RYR2: variants seen among roughly 807,000 people sequenced by gnomAD.
RYR2 encodes the protein ryanodine receptor 2, also known as cardiac muscle ryanodine receptor-calcium release channel.
RYR2 carries 227 observed loss-of-function variants against 601.1 expected under a neutral mutation model. The observed-to-expected ratio is 0.38, with a 90% CI of 0.34 to 0.42. The LOEUF (loss-of-function observed/expected upper bound fraction) is 0.42, where lower values mean the gene tolerates loss of function less well. Ranked by LOEUF, RYR2 falls within the 10% of genes least tolerant of loss-of-function variation. The pLI is 1.00. For missense variants in RYR2, 4,646 were observed against 6,156.5 expected (o/e 0.75, Z 8.21); for synonymous variants, 2,223 against 2,175.1 (o/e 1.02, Z -0.61).
chr1:237,802,456 G>A (rs1487574054), intron 98 of RYR2: 2 of 152,096 alleles, frequency 1.3e-5, no homozygotes, highest in Admixed American at 6.6e-5. Context: ...GACTTTTATA[G>A]TTCACGTTAG....
At chr1:237,322,901 G>A (rs571999471) in intron 2 of RYR2, among the ~76,000 whole-genome samples, 1 of 150,922 alleles carries the variant, frequency 6.6e-6, no homozygotes, top group African/African-American at 2.4e-5. Flanking sequence ...GAGTGAAAAT[G>A]TGCTCCAAAG....
chr1:237,311,459 A>G (rs912062859), intron 2 of RYR2, among the ~76,000 whole-genome samples: 2 of 151,828 alleles, frequency 1.3e-5, no homozygotes, highest in Non-Finnish European at 2.9e-5. Flanking sequence ...ATGATATGAC[A>G]TGCAATGACC....
chr1:237,574,725 CA>C (rs146749155), intron 29 of RYR2, among the ~76,000 whole-genome samples: 2 of 151,842 alleles, frequency 1.3e-5, no homozygotes, highest in Admixed American at 6.6e-5. Flanking sequence ...TCATAGCTGG[CA>C]AAAAAACAAA....
intron 1 of RYR2, among the ~76,000 whole-genome samples, chr1:237,059,159 C>T (rs1377484620): frequency 6.6e-6 from 1 of 152,074 alleles, no homozygotes; most frequent in Non-Finnish European, 1.5e-5. Context: ...TTCCGCATTT[C>T]CCTCTAAATG....
At position 237,792,382 on chromosome 1, in the gene RYR2, C is replaced by CGTGT. The variant is rs1359233766; in HGVS notation, c.13782+71_13782+74dup. On this transcript the variant is annotated intron_variant, in intron 94 of 104. Coordinates refer to ENST00000366574, the MANE Select transcript of RYR2 (RefSeq NM_001035.3). The stretch of plus-strand genomic sequence containing the variant: ...GTGTGTGTGTGTGTGTGTGTGTGTG[C>CGTGT]GTGTGTGTGTGTGTGCGTGTGTGTG... 7.7e-3 allele frequency: 5,159 copies of CGTGT among 666,214 alleles called. 123 individuals are homozygous for CGTGT. The highest frequency in any genetic ancestry group is 0.043 in the African/African-American group (1,803 of 42,082). The allele number at this position is 666,214 out of a possible 1,614,324, so 41.3% of individuals were successfully genotyped here.
intron 80 of RYR2, among the ~76,000 whole-genome samples, chr1:237,744,414 G>C (rs1167836874): frequency 6.6e-6 from 1 of 151,658 alleles, no homozygotes; most frequent in Admixed American, 6.6e-5. Context: ...CCAGCACTTT[G>C]GGAGGCTGAG....
At chr1:237,495,206 G>A (rs1459835365) in intron 19 of RYR2, among the ~76,000 whole-genome samples, 1 of 152,144 alleles carries the variant, frequency 6.6e-6, no homozygotes, top group Non-Finnish European at 1.5e-5. Context: ...ATTTATAGAT[G>A]TTTACCAGTC....
At chr1:237,820,084 G>GACTGAGGCAGAAGAATC (rs1166922123) in intron 101 of RYR2, among the ~76,000 whole-genome samples, 3 of 150,776 alleles carry the variant, frequency 2.0e-5, no homozygotes, top group Admixed American at 2.0e-4. Flanking sequence ...CTACTCAGGA[G>GACTGAGGCAGAAGAATC]ACTGAGGCAG....
At chr1:237,653,209 C>A (rs1682935425) in intron 51 of RYR2, among the ~76,000 whole-genome samples, 1 of 152,060 alleles carries the variant, frequency 6.6e-6, no homozygotes, top group Non-Finnish European at 1.5e-5. Flanking sequence ...TCCATAACCA[C>A]CAAAGAAATG....
chr1:237,203,944 A>G (rs1490376009), intron 1 of RYR2, among the ~76,000 whole-genome samples: 1 of 152,204 alleles, frequency 6.6e-6, no homozygotes, highest in African/African-American at 2.4e-5. Flanking sequence ...GAAATAATAC[A>G]GTGTGGGCTC....
chr1:237,460,013 G>T (rs1450851836), intron 16 of RYR2, among the ~76,000 whole-genome samples: 3 of 152,166 alleles, frequency 2.0e-5, no homozygotes, highest in Non-Finnish European at 4.4e-5. Flanking sequence ...TTTGGGGCTT[G>T]CACAGCTCGC....
chr1:237,550,561 A>G lies in RYR2; in HGVS notation c.3084A>G (p.Arg1028=). 1 of 1,609,784 alleles carries G rather than the reference A, an allele frequency of 6.2e-7. No individual in the cohort carries two copies. Among genetic ancestry groups the G allele is most frequent in the Non-Finnish European group, 8.5e-7 (1 of 1,178,120 alleles). Residue 1028 remains arginine, a synonymous_variant, in exon 27 of 105, where the codon AGA becomes AGG. Transcript: ENST00000366574. ...YGIQQDVKNR[R]NPRLVPYTLL... ...TCCTGCAGGACGTAAAGAACAGAAG[A>G]AATCCTCGCCTTGTTCCCTACACTC... is the stretch of plus-strand genomic sequence containing the variant.
intron 11 of RYR2, among the ~76,000 whole-genome samples, chr1:237,421,254 G>GTAATAA (rs540154237): frequency 6.6e-6 from 1 of 151,478 alleles, no homozygotes; most frequent in Non-Finnish European, 1.5e-5. Context: ...AAAAATAATA[G>GTAATAA]TAATAATAAT....
intron 10 of RYR2, among the ~76,000 whole-genome samples, chr1:237,391,660 T>C (rs1702394213): frequency 6.6e-6 from 1 of 152,168 alleles, no homozygotes; most frequent in Non-Finnish European, 1.5e-5. Context: ...TAATTGTAGC[T>C]ATTGAAAATC....
Position 237,229,258 on chromosome 1 carries a change from A to C in RYR2, c.49-41239A>C, listed in dbSNP as rs542267399. On this transcript the variant is annotated intron_variant, in intron 1 of 104. Coordinates refer to ENST00000366574, the MANE Select transcript of RYR2 (RefSeq NM_001035.3). ...TCATGAAAAAAAGAAAGTATTCTAC[A>C]GGAGAAATGTAGCACTTTGTGGCCT... Among the ~76,000 whole-genome samples, 3 of 152,380 alleles carry C rather than the reference A, an allele frequency of 2.0e-5. No individual in the cohort carries two copies. The South Asian group carries it at 6.2e-4, about 32-fold the overall frequency.
At chr1:237,747,232 T>C (rs1363565996) in intron 80 of RYR2, among the ~76,000 whole-genome samples, 1 of 152,222 alleles carries the variant, frequency 6.6e-6, no homozygotes, top group Non-Finnish European at 1.5e-5. Context: ...TGCATCTTCC[T>C]TTTGGCGAAT....
chr1:237,393,333 G>A (rs1310087816), intron 10 of RYR2, among the ~76,000 whole-genome samples: 1 of 152,186 alleles, frequency 6.6e-6, no homozygotes, highest in African/African-American at 2.4e-5. Flanking sequence ...TGCATGACAA[G>A]ATTTTTACCT....
chr1:237,506,594 T>C (rs578090719), intron 22 of RYR2, 116 bp from the exon 23 acceptor site: 4 of 645,196 alleles, frequency 6.2e-6, no homozygotes, highest in African/African-American at 5.5e-5. Flanking sequence ...AACTTTGTTC[T>C]ATGATTACTG....
chr1:237,292,869 C>T (rs535457544), intron 2 of RYR2, among the ~76,000 whole-genome samples: 4 of 152,116 alleles, frequency 2.6e-5, no homozygotes, highest in African/African-American at 7.2e-5. Context: ...TGGATATGAC[C>T]GGGCTGCACT....
Sources: allele counts gnomAD v4.1 joint callset (sites outside exome capture counted in the v4.1 genomes callset), GRCh38; gene constraint gnomAD v4.1.1; transcripts MANE v1.5; gene names NCBI Gene and HGNC (gene_info 2026-07-23, HGNC 2026-07-21).